MBNL3: variants seen among roughly 807,000 people sequenced by gnomAD.
The protein encoded by MBNL3 is muscleblind like splicing regulator 3, also known as muscleblind-like protein 3.
MBNL3 carries 6 observed loss-of-function variants against 24.5 expected under a neutral mutation model. That is an observed-to-expected ratio of 0.25 (90% CI 0.13 to 0.48). The LOEUF is 0.48. Among genes scored for constraint, MBNL3 ranks in the 20% least tolerant of loss-of-function variants. The probability of loss-of-function intolerance (pLI) is 0.99; values close to 1 mark genes in which losing one functional copy is unlikely to be tolerated. For synonymous variants in MBNL3, 100 were observed against 101.7 expected (o/e 0.98, Z 0.10); for missense variants, 230 against 293.5 (o/e 0.78, Z 1.58).
At position 132,391,408 on chromosome X, in the gene MBNL3, T is replaced by G. The variant is rs189258888; in HGVS notation, c.535-325A>C. Among the ~76,000 whole-genome samples the G allele has an allele frequency of 2.4e-3, 273 of 112,050 alleles. 1 individual carries two copies. Among genetic ancestry groups the G allele is most frequent in the African/African-American group, 8.3e-3 (255 of 30,868 alleles). On this transcript the variant is annotated intron_variant, in intron 4 of 8. Transcript: ENST00000370853. ...CACAGCCTTAAGCATAATTAGTGTT[T>G]TTTTAAGTCCAAGATGAGTCTTTAT... is the stretch of plus-strand genomic sequence containing the variant.
intron 1 of MBNL3, among the ~76,000 whole-genome samples, chrX:132,441,568 C>G (rs1235829948): frequency 8.9e-6 from 1 of 111,968 alleles, no homozygotes; most frequent in Non-Finnish European, 1.9e-5. Flanking sequence ...TAAAAATAAC[C>G]TGATGATAGA....
At chrX:132,396,553 TTCC>T in intron 3 of MBNL3, among the ~76,000 whole-genome samples, 1 of 23,286 alleles carries the variant, frequency 4.3e-5, no homozygotes, top group Non-Finnish European at 1.1e-4. Context: ...TTCCTATATA[TTCC>T]TATATATATT....
intron 1 of MBNL3, among the ~76,000 whole-genome samples, chrX:132,485,360 T>A (rs1370333787): frequency 8.9e-6 from 1 of 111,938 alleles, no homozygotes; most frequent in African/African-American, 3.2e-5. Flanking sequence ...GTTTTCTCCA[T>A]CAATCTTTTA....
At chrX:132,483,368 T>C (rs1414483031) in intron 1 of MBNL3, among the ~76,000 whole-genome samples, 1 of 111,925 alleles carries the variant, frequency 8.9e-6, no homozygotes. Context: ...GAAAAACCAG[T>C]GTATAGTATA....
rs1219340118 is a variant in MBNL3, at chrX:132,454,769, C to T, written c.-703-14455G>A. ...ACGACTGAAATACATATCTACAAACCAACTGCCTAGAGTTCATTGGAAAGT... is the reference window on the plus strand; with the variant it reads ...ACGACTGAAATACATATCTACAAACTAACTGCCTAGAGTTCATTGGAAAGT... On this transcript the variant is annotated intron_variant, in intron 1 of 8. Coordinates refer to ENST00000370853, the MANE Select transcript of MBNL3 (RefSeq NM_001386889.1). 5.4e-5 allele frequency among the ~76,000 whole-genome samples: 6 copies of T among 112,066 alleles called. No homozygotes were observed. In the Admixed American group the frequency reaches 5.7e-4, roughly 11 times the overall value.
At chrX:132,475,322 T>C (rs1469329103) in intron 1 of MBNL3, among the ~76,000 whole-genome samples, 2 of 112,136 alleles carry the variant, frequency 1.8e-5, no homozygotes, top group Non-Finnish European at 3.8e-5. Flanking sequence ...CAGATTAGTG[T>C]TGGCTTGATT....
At chrX:132,388,056 A>G (rs1264566416) in intron 5 of MBNL3, among the ~76,000 whole-genome samples, 1 of 111,535 alleles carries the variant, frequency 9.0e-6, no homozygotes, top group Non-Finnish European at 1.9e-5. Context: ...GGAAACAGGA[A>G]TGCTTGTGTT....
In MBNL3 at chrX:132,374,599, C is replaced by A. The variant is rs1387652731; in HGVS notation, c.*5067G>T. The A allele has an allele frequency of 1.8e-5, 2 of 111,195 alleles. No individual in the cohort carries two copies. Among genetic ancestry groups the A allele is most frequent in the Non-Finnish European group, 3.8e-5 (2 of 52,865 alleles). The allele number at this position is 111,195 out of a possible 1,213,427, so 9.2% of individuals were successfully genotyped here. On this transcript the variant is annotated 3_prime_UTR_variant, in exon 9 of 9. Transcript: ENST00000370853. Reference sequence around the variant, plus strand: ...ACTTTTCCACTATTATCACAGACTTCTTACATTTAAAAAAAGCTCCAAGGA... The same window carrying A: ...ACTTTTCCACTATTATCACAGACTTATTACATTTAAAAAAAGCTCCAAGGA...
At chrX:132,418,245 A>C (rs1017853361) in intron 2 of MBNL3, among the ~76,000 whole-genome samples, 32 of 112,496 alleles carry the variant, frequency 2.8e-4, no homozygotes, top group African/African-American at 1.0e-3. Flanking sequence ...GAGATTTTTT[A>C]GAATACTGTA....
chrX:132,475,845 G>A (rs749295469), intron 1 of MBNL3, among the ~76,000 whole-genome samples: 3 of 111,731 alleles, frequency 2.7e-5, no homozygotes, highest in African/African-American at 9.8e-5. Context: ...CCAGCATAAG[G>A]AAATGTCAAG....
rs1034508954 is a variant in MBNL3 at position 132,382,327 on chromosome X, C to A, written c.959-55G>T. 8 of 979,020 alleles carry A rather than the reference C, an allele frequency of 8.2e-6. No homozygotes were observed. In the African/African-American group the frequency reaches 1.5e-4, roughly 19 times the overall value. 80.7% of individuals were successfully genotyped at this position (979,020 alleles called of 1,213,427 possible). A position where few individuals can be genotyped will look rare whatever the true frequency, so the allele number is the denominator to read the frequency against. ...ACGGGAGGGTAGAGGATTTATGCAA[C>A]CATAACATTTACGATGGAATGAGGT... On this transcript the variant is annotated intron_variant, in intron 7 of 8. Coordinates refer to ENST00000370853, the MANE Select transcript of MBNL3 (RefSeq NM_001386889.1).
intron 2 of MBNL3, chrX:132,437,953 AAAAC>A (rs1945202402): frequency 1.8e-6 from 1 of 548,911 alleles, no homozygotes; most frequent in African/African-American, 2.5e-5. Flanking sequence ...TCTGCAAAAA[AAAAC>A]AAAAAACAAA....
rs1213464881 is a variant in MBNL3 at position 132,444,525 on chromosome X, A to G, written c.-703-4211T>C. Reference sequence around the variant, plus strand: ...ATTTCTGTTTGTGTCTTTGGATAGTATGTTCATCTTTGGAATGTTTTTGCT... The same window carrying G: ...ATTTCTGTTTGTGTCTTTGGATAGTGTGTTCATCTTTGGAATGTTTTTGCT... On this transcript the variant is annotated intron_variant, in intron 1 of 8. Coordinates refer to ENST00000370853, the MANE Select transcript of MBNL3 (RefSeq NM_001386889.1). Among the ~76,000 whole-genome samples the G allele has an allele frequency of 2.7e-5, 3 of 111,669 alleles. No homozygotes were observed. In the East Asian group the frequency reaches 8.5e-4, roughly 32 times the overall value.
chrX:132,438,663 A>G (rs1228748537), intron 2 of MBNL3, among the ~76,000 whole-genome samples: 1 of 107,523 alleles, frequency 9.3e-6, no homozygotes, highest in African/African-American at 3.4e-5. Context: ...TAACACATGA[A>G]AATCAGTGCA....
At chrX:132,388,549 G>A (rs376723864) in intron 5 of MBNL3, among the ~76,000 whole-genome samples, 2 of 111,814 alleles carry the variant, frequency 1.8e-5, no homozygotes, top group African/African-American at 6.5e-5. Context: ...ACAAATTGGG[G>A]TGAAACCTAG....
rs1275414043 is a variant in MBNL3 at position 132,486,300 on chromosome X, GAACAAA to G, written c.-704+2545_-704+2550del. Among the ~76,000 whole-genome samples the G allele has an allele frequency of 4.5e-5, 5 of 111,864 alleles. No homozygotes were observed. The East Asian group carries it at 1.1e-3, about 25-fold the overall frequency. On this transcript the variant is annotated intron_variant, in intron 1 of 8. Transcript: ENST00000370853. ...TCACACATAAAGGCAGCTGGGTGGA[GAACAAA>G]ACTGTACTAAACTATACTGTCAACA...
At chrX:132,477,263 T>C (rs1296411356) in intron 1 of MBNL3, among the ~76,000 whole-genome samples, 5 of 112,428 alleles carry the variant, frequency 4.4e-5, no homozygotes, top group African/African-American at 1.3e-4. Flanking sequence ...TAAGTCTTTT[T>C]CTATTCTTAA....
At chrX:132,455,445 T>C (rs1946324645) in intron 1 of MBNL3, among the ~76,000 whole-genome samples, 2 of 111,869 alleles carry the variant, frequency 1.8e-5, no homozygotes, top group Non-Finnish European at 3.8e-5. Context: ...CAAGTATACA[T>C]CAAATATGAA....
chrX:132,423,541 A>C (rs1451278354), intron 2 of MBNL3, among the ~76,000 whole-genome samples: 1 of 111,992 alleles, frequency 8.9e-6, no homozygotes, highest in African/African-American at 3.2e-5. Flanking sequence ...ATTTCAGCAC[A>C]GATGATCAAA....
Sources: allele counts gnomAD v4.1 joint callset (sites outside exome capture counted in the v4.1 genomes callset), GRCh38; gene constraint gnomAD v4.1.1; transcripts MANE v1.5; gene names NCBI Gene and HGNC (gene_info 2026-07-23, HGNC 2026-07-21).